PDE11A: variants seen among roughly 807,000 people sequenced by gnomAD.
PDE11A encodes the protein dual 3',5'-cyclic-AMP and -GMP phosphodiesterase 11A.
Under a neutral mutation model 100.5 loss-of-function variants are expected in PDE11A, and 100 were observed. That is an observed-to-expected ratio of 1.00 (90% CI 0.85 to 1.18). The LOEUF is 1.18. PDE11A is among the 50% of genes most tolerant of loss of function. The pLI, the probability that PDE11A is intolerant of heterozygous loss-of-function variation, is 0.00. For synonymous variants in PDE11A, 381 were observed against 420.8 expected, an observed-to-expected ratio of 0.91 and a Z score of 1.16; for missense variants, 1,141 against 1,152.6, an observed-to-expected ratio of 0.99 and a Z score of 0.15.
chr2:177,692,772 A>G (rs533983059), intron 15 of PDE11A, among the ~76,000 whole-genome samples: 13 of 152,342 alleles, frequency 8.5e-5, no homozygotes, highest in Admixed American at 5.9e-4. Context: ...CTGCTTTCAT[A>G]TGCCATTTGA....
At chr2:177,785,431 C>T (rs2082518284) in intron 9 of PDE11A, among the ~76,000 whole-genome samples, 1 of 152,242 alleles carries the variant, frequency 6.6e-6, no homozygotes, top group African/African-American at 2.4e-5. Flanking sequence ...AGGAACAGCT[C>T]CAGTCTACAG....
chr2:177,656,643 G>A (rs895631245), intron 19 of PDE11A, among the ~76,000 whole-genome samples: 2 of 152,218 alleles, frequency 1.3e-5, no homozygotes, highest in Admixed American at 6.5e-5. Context: ...ACTGTGCTAG[G>A]TGCCAGGAAT....
At chr2:177,797,977 A>AT (rs2082728780) in intron 9 of PDE11A, among the ~76,000 whole-genome samples, 1 of 152,108 alleles carries the variant, frequency 6.6e-6, no homozygotes, top group African/African-American at 2.4e-5. Context: ...AAATTCCTTC[A>AT]TGTAACACAA....
intron 1 of PDE11A, among the ~76,000 whole-genome samples, chr2:178,018,840 TC>T (rs2086372963): frequency 6.6e-6 from 1 of 152,222 alleles, no homozygotes; most frequent in Non-Finnish European, 1.5e-5. Flanking sequence ...GAGCCACTGC[TC>T]CCAGCCCAGA....
intron 10 of PDE11A, among the ~76,000 whole-genome samples, chr2:177,760,661 T>C (rs2082155392): frequency 6.6e-6 from 1 of 152,316 alleles, no homozygotes; most frequent in African/African-American, 2.4e-5. Flanking sequence ...AGCCTAGAAA[T>C]TGAAATTAAC....
Position 178,014,304 on chromosome 2 carries a change from T to G in PDE11A, c.1069A>C (p.Lys357Gln), listed in dbSNP as rs1392647557. 6.2e-7 allele frequency: 1 copy of G among 1,611,244 alleles called. No individual in the cohort carries two copies. The highest frequency in any genetic ancestry group is 8.5e-7 in the Non-Finnish European group (1 of 1,177,432). The change falls in exon 2 of 20, where the codon AAA becomes CAA. Residue 357 changes from lysine to glutamine, a missense_variant and splice_region_variant. Transcript: ENST00000286063. ...TCACAAAAGGCATGAAATCTTACTT[T>G]TTCATCATCTTCAGTAAATGGAGCT... ...EGAPFTEDDEKVMQMYLPFCG... is the reference protein window; with the variant it reads ...EGAPFTEDDEQVMQMYLPFCG...
intron 1 of PDE11A, among the ~76,000 whole-genome samples, chr2:178,038,180 T>C (rs1376400246): frequency 6.6e-6 from 1 of 152,188 alleles, no homozygotes; most frequent in Non-Finnish European, 1.5e-5. Flanking sequence ...TTTATTAGTC[T>C]GGACATATGG....
At chr2:177,674,085 A>G (rs2080728843) in intron 17 of PDE11A, among the ~76,000 whole-genome samples, 1 of 152,184 alleles carries the variant, frequency 6.6e-6, no homozygotes, top group South Asian at 2.1e-4. Context: ...ATGCTGACTG[A>G]TGCATCATGT....
chr2:177,910,471 TCTATTCTG>T (rs1167448862), intron 2 of PDE11A, among the ~76,000 whole-genome samples: 1 of 152,104 alleles, frequency 6.6e-6, no homozygotes, highest in Non-Finnish European at 1.5e-5. Context: ...TATATATTGC[TCTATTCTG>T]CTATTCTGCT....
chr2:177,698,437 A>C (rs1448690908), intron 14 of PDE11A: 1 of 152,114 alleles, frequency 6.6e-6, no homozygotes, highest in Non-Finnish European at 1.5e-5. Context: ...AGGTTTTCTT[A>C]GTGTGAAATA....
At chr2:178,045,348 A>C (rs1164045770) in intron 1 of PDE11A, among the ~76,000 whole-genome samples, 2 of 152,184 alleles carry the variant, frequency 1.3e-5, no homozygotes, top group Non-Finnish European at 2.9e-5. Context: ...TGTGATGAAA[A>C]ATGAAAGTTT....
intron 9 of PDE11A, among the ~76,000 whole-genome samples, chr2:177,814,260 T>C (rs2083001245): frequency 6.8e-6 from 1 of 146,686 alleles, no homozygotes; most frequent in East Asian, 1.9e-4. Context: ...ATATATAATA[T>C]GTATAAATAC....
intron 4 of PDE11A, among the ~76,000 whole-genome samples, chr2:177,884,486 G>T (rs186346210): frequency 6.6e-6 from 1 of 152,284 alleles, no homozygotes; most frequent in Non-Finnish European, 1.5e-5. Context: ...ACAAAGATAT[G>T]CATCTTTTGT....
intron 6 of PDE11A, among the ~76,000 whole-genome samples, chr2:177,825,147 A>G (rs2083208611): frequency 6.6e-6 from 1 of 152,218 alleles, no homozygotes; most frequent in Non-Finnish European, 1.5e-5. Flanking sequence ...AAAAATGGTC[A>G]AGGGAAGAAA....
At chr2:177,644,685 G>T (rs1346263083) in intron 19 of PDE11A, among the ~76,000 whole-genome samples, 1 of 152,150 alleles carries the variant, frequency 6.6e-6, no homozygotes, top group Non-Finnish European at 1.5e-5. Flanking sequence ...GATTTGGGTG[G>T]GGCCAGTGGT....
Position 178,104,406 on chromosome 2 carries a change from T to A in PDE11A, c.58A>T (p.Lys20Ter), listed in dbSNP as rs148183964. The A allele has an allele frequency of 5.5e-4, 889 of 1,614,038 alleles. 6 individuals are homozygous for A. In the African/African-American group the frequency reaches 0.01, roughly 18 times the overall value. The stretch of plus-strand genomic sequence containing the variant: ...ACCAGTCTTGTGATTTTCACCTTTT[T>A]CCACTGTGTGGCACTGAGCACATTT... The change falls in exon 2 of 21, where the codon AAA becomes TAA. Residue 20 changes from lysine (K) to a stop codon, truncating the protein, a stop_gained. Coordinates refer to the PDE11A transcript ENST00000358450. LOFTEE classifies it high-confidence loss of function.
chr2:178,041,245 ATT>A (rs1424410830), intron 1 of PDE11A, among the ~76,000 whole-genome samples: 7 of 139,118 alleles, frequency 5.0e-5, no homozygotes, highest in Non-Finnish European at 9.4e-5. Context: ...AAGCTCAGAA[ATT>A]TTTTTTTTTT....
At chr2:177,860,767 T>G (rs749589978) in intron 5 of PDE11A, among the ~76,000 whole-genome samples, 1 of 151,702 alleles carries the variant, frequency 6.6e-6, no homozygotes, top group Non-Finnish European at 1.5e-5. Context: ...ATCCCAATAA[T>G]GTAAGATTGG....
chr2:177,655,803 CATGATAAAT>C (rs527572381), intron 19 of PDE11A, among the ~76,000 whole-genome samples: 482 of 152,262 alleles, frequency 3.2e-3, no homozygotes, highest in Admixed American at 3.7e-3. Flanking sequence ...AAATTTTAAT[CATGATAAAT>C]TTAGTGTATT....
Sources: allele counts gnomAD v4.1 joint callset (sites outside exome capture counted in the v4.1 genomes callset), GRCh38; gene constraint gnomAD v4.1.1; transcripts MANE v1.5; gene names NCBI Gene and HGNC (gene_info 2026-07-23, HGNC 2026-07-21).